Variants in RSPH14 observed in about 807,000 individuals in gnomAD.
The protein encoded by RSPH14 is radial spoke head 14 homolog, also known as rhabdoid tumor deletion region gene 1.
In RSPH14, 20 loss-of-function variants were observed where a neutral mutation model predicts 26.7. The ratio of observed to expected loss-of-function variants is 0.75; its 90% confidence interval spans 0.53 to 1.09. RSPH14 has a LOEUF of 1.09. Among genes scored for constraint, RSPH14 ranks in the 50% least tolerant of loss-of-function variants. RSPH14 has a pLI of 0.00. For synonymous variants in RSPH14, 177 were observed against 189.3 expected (o/e 0.93, Z 0.53); for missense variants, 449 against 457.2 (o/e 0.98, Z 0.16).
the RSPH14 span, chr22:23,159,113 TC>T: frequency 3.6e-5 from 57 of 1,600,882 alleles, no homozygotes; most frequent in South Asian, 4.9e-4. Flanking sequence ...CCCCTGGGCC[TC>T]CCTGCAGGAG....
chr22:23,157,687 C>A, the RSPH14 span, among the ~76,000 whole-genome samples: 1 of 152,248 alleles, frequency 6.6e-6, no homozygotes. Context: ...CTCACCTGAG[C>A]TCCCTTAGCC....
intron 4 of RSPH14, among the ~76,000 whole-genome samples, chr22:23,086,632 C>A (rs1255047668): frequency 6.6e-6 from 1 of 152,248 alleles, no homozygotes; most frequent in Non-Finnish European, 1.5e-5. Context: ...AAAGACCCTC[C>A]CCGGGGCCCA....
chr22:23,085,250 G>C lies in RSPH14; in HGVS notation c.422-21117C>G, dbSNP rs142453010. Among the ~76,000 whole-genome samples, 139 of 152,232 alleles carry C rather than the reference G, an allele frequency of 9.1e-4. 2 individuals are homozygous for C. Among genetic ancestry groups the C allele is most frequent in the African/African-American group, 3.2e-3 (133 of 41,534 alleles). On this transcript the variant is annotated intron_variant, in intron 4 of 6. Transcript: ENST00000216036. Reference sequence around the variant, plus strand: ...TTTTCTCTGTGTCCTCTTCTCCATGGTGCTGAGCTTTATTTGAAATGGCCT... The same window carrying C: ...TTTTCTCTGTGTCCTCTTCTCCATGCTGCTGAGCTTTATTTGAAATGGCCT...
At chr22:23,137,347 G>A (rs1312758601) in intron 3 of RSPH14, among the ~76,000 whole-genome samples, 1 of 141,394 alleles carries the variant, frequency 7.1e-6, no homozygotes, top group African/African-American at 2.5e-5. Context: ...GGAACAGGCT[G>A]CCAGGAAGCT....
At position 23,065,083 on chromosome 22, in the gene RSPH14, A is replaced by T. The variant is rs13056137; in HGVS notation, c.422-950T>A. Among the ~76,000 whole-genome samples, 3 of 152,090 alleles carry T rather than the reference A, an allele frequency of 2.0e-5. No homozygotes were observed. In the East Asian group the frequency reaches 5.8e-4, roughly 29 times the overall value. ...CAGCCCCCAGGGAGGTGGCCACCAG[A>T]AGACACCTCTTTCTTCCGCCCTCCC... is the stretch of plus-strand genomic sequence containing the variant. On this transcript the variant is annotated intron_variant, in intron 4 of 6. Transcript: ENST00000216036.
chr22:23,111,374 C>A (rs960107916), intron 4 of RSPH14, among the ~76,000 whole-genome samples: 1 of 152,194 alleles, frequency 6.6e-6, no homozygotes, highest in African/African-American at 2.4e-5. Flanking sequence ...GCACTGGACT[C>A]GGTTCCGCCT....
chr22:23,136,122 G>T, intron 3 of RSPH14: 1 of 611,708 alleles, frequency 1.6e-6, no homozygotes, highest in South Asian at 2.0e-5. Flanking sequence ...TCCGTGTCTA[G>T]TCACCCACTC....
intron 5 of RSPH14, 98 bp from the exon 6 acceptor site, chr22:23,062,043 TGG>T: frequency 1.4e-6 from 2 of 1,444,832 alleles, no homozygotes; most frequent in Non-Finnish European, 1.9e-6. Context: ...AATAATTGTG[TGG>T]GGGCTACCCC....
At chr22:23,176,326 T>C in the RSPH14 span, among the ~76,000 whole-genome samples, 2 of 152,216 alleles carry the variant, frequency 1.3e-5, no homozygotes, top group South Asian at 4.1e-4. Context: ...CTTCTAGCAC[T>C]CTCATTATCT....
At chr22:23,118,446 G>A (rs956288184) in intron 4 of RSPH14, among the ~76,000 whole-genome samples, 4 of 152,212 alleles carry the variant, frequency 2.6e-5, no homozygotes, top group African/African-American at 9.6e-5. Flanking sequence ...AGTGAATGGT[G>A]GTGTGTTTCT....
At chr22:23,128,683 C>T (rs2070240432) in intron 4 of RSPH14, among the ~76,000 whole-genome samples, 1 of 152,306 alleles carries the variant, frequency 6.6e-6, no homozygotes, top group East Asian at 1.9e-4. Flanking sequence ...CTCCCAGACA[C>T]CCATGACACA....
upstream of RSPH14, chr22:23,142,044 T>TC (rs2070614529): frequency 1.0e-6 from 1 of 984,912 alleles, no homozygotes; most frequent in African/African-American, 1.7e-5. Flanking sequence ...TCCAGCAGCG[T>TC]CCGCGGCGCC....
At chr22:23,174,409 A>C in the RSPH14 span, among the ~76,000 whole-genome samples, 1 of 152,142 alleles carries the variant, frequency 6.6e-6, no homozygotes, top group Non-Finnish European at 1.5e-5. Context: ...CATCTCAAAA[A>C]ATATATAAGT....
At chr22:23,108,604 A>G (rs967425546) in intron 4 of RSPH14, among the ~76,000 whole-genome samples, 9 of 152,270 alleles carry the variant, frequency 5.9e-5, no homozygotes, top group Admixed American at 5.9e-4. Flanking sequence ...TGACCATGGT[A>G]GAATGGGAAG....
the RSPH14 span, among the ~76,000 whole-genome samples, chr22:23,168,312 A>T: frequency 6.6e-6 from 1 of 152,096 alleles, no homozygotes; most frequent in African/African-American, 2.4e-5. Flanking sequence ...ACAGGTAGCC[A>T]AGGAATCCCA....
chr22:23,140,615 A>T lies in RSPH14; in HGVS notation c.-52-143T>A, dbSNP rs896438059. 6.8e-6 allele frequency: 7 copies of T among 1,034,740 alleles called. No homozygotes were observed. The African/African-American group carries it at 9.8e-5, about 14-fold the overall frequency. 64.1% of individuals were successfully genotyped at this position (1,034,740 alleles called of 1,614,324 possible). A position where few individuals can be genotyped will look rare whatever the true frequency, so the allele number is the denominator to read the frequency against. On this transcript the variant is annotated intron_variant, in intron 1 of 6. Transcript: ENST00000216036. The stretch of plus-strand genomic sequence containing the variant: ...AGCAAACTGAGGCTGAGAGCAATGA[A>T]GAGATTTGCTCAAAGTCCCAGTGAA...
At chr22:23,162,744 C>T in the RSPH14 span, 1 of 456,312 alleles carries the variant, frequency 2.2e-6, no homozygotes, top group Non-Finnish European at 4.4e-6. Flanking sequence ...TGGCGAGCAC[C>T]TTGCAGGCAG....
chr22:23,120,849 T>C (rs1426057709), intron 4 of RSPH14, among the ~76,000 whole-genome samples: 1 of 152,176 alleles, frequency 6.6e-6, no homozygotes, highest in Non-Finnish European at 1.5e-5. Context: ...CAGGGCGCGC[T>C]CAGCAAGTGT....
chr22:23,166,143 C>CT, the RSPH14 span, among the ~76,000 whole-genome samples: 10 of 52,336 alleles, frequency 1.9e-4, no homozygotes, highest in African/African-American at 9.8e-4. Context: ...GAGACTCTGT[C>CT]TTTTAAAAAA....
Sources: allele counts gnomAD v4.1 joint callset (sites outside exome capture counted in the v4.1 genomes callset), GRCh38; gene constraint gnomAD v4.1.1; transcripts MANE v1.5; gene names NCBI Gene and HGNC (gene_info 2026-07-23, HGNC 2026-07-21).